The following MARCHF1 variants were observed in gnomAD, a reference collection of about 807,000 sequenced individuals.
MARCHF1 encodes the protein membrane associated ring-CH-type finger 1, also known as E3 ubiquitin-protein ligase MARCHF1.
A neutral mutation model predicts 54.2 loss-of-function variants in MARCHF1; 40 were observed. The ratio of observed to expected loss-of-function variants is 0.74; its 90% CI spans 0.57 to 0.96. The LOEUF (loss-of-function observed/expected upper bound fraction) is 0.96, where lower values mean the gene tolerates loss of function less well. MARCHF1 is among the 40% of genes least tolerant of loss of function. The probability of loss-of-function intolerance (pLI) is 0.00; values close to 1 mark genes in which losing one functional copy is unlikely to be tolerated. For synonymous variants in MARCHF1, 236 were observed against 236.3 expected, an observed-to-expected ratio of 1.00 and a Z score of 0.01; for missense variants, 586 against 656.5, an observed-to-expected ratio of 0.89 and a Z score of 1.17.
intron 2 of MARCHF1, among the ~76,000 whole-genome samples, chr4:164,019,782 G>A (rs1461813623): frequency 6.6e-6 from 1 of 152,176 alleles, no homozygotes; most frequent in Non-Finnish European, 1.5e-5. Context: ...CTTAATGGCA[G>A]TCTTAAAACA....
In MARCHF1 at chr4:163,612,613, A is replaced by G. The variant is rs1018585525; in HGVS notation, c.668T>C (p.Ile223Thr). Residue 223 changes from isoleucine to threonine, a missense_variant, in exon 7 of 10, where the codon ATT (isoleucine) becomes ACT (threonine). Around this residue, in one of 3 missense-constraint regions of MARCHF1, gnomAD observed 387 missense variants for 394.6 expected, o/e 0.98. Coordinates refer to ENST00000514618, the MANE Select transcript of MARCHF1 (RefSeq NM_001394959.1). Reference sequence around the variant, plus strand: ...ATTTAAAGAGCAACTCTCACATTCAATCAGCTCTTGTTGCTCTTTACCTTT... The same window carrying G: ...ATTTAAAGAGCAACTCTCACATTCAGTCAGCTCTTGTTGCTCTTTACCTTT... ...GSKGKEQQEL[I>T]ECESCSLNLH... 7 of 1,535,518 alleles carry G rather than the reference A, an allele frequency of 4.6e-6. No homozygotes were observed. Among genetic ancestry groups the G allele is most frequent in the African/African-American group, 4.1e-5 (3 of 73,076 alleles).
intron 2 of MARCHF1, among the ~76,000 whole-genome samples, chr4:164,001,153 T>A (rs561766942): frequency 1.3e-5 from 2 of 151,908 alleles, no homozygotes; most frequent in South Asian, 4.1e-4. Context: ...GGTTAATATA[T>A]AAATTACCCT....
chr4:163,621,003 C>G (rs1246019519), intron 5 of MARCHF1, among the ~76,000 whole-genome samples: 3 of 152,148 alleles, frequency 2.0e-5, no homozygotes, highest in Non-Finnish European at 4.4e-5. Context: ...GTGATAAACT[C>G]TTTGCTTATT....
chr4:163,975,228 A>ACT (rs1428178397), intron 3 of MARCHF1, among the ~76,000 whole-genome samples: 3 of 150,782 alleles, frequency 2.0e-5, no homozygotes, highest in African/African-American at 4.9e-5. Context: ...ACACACACAC[A>ACT]CTTCCTATTG....
At chr4:164,383,130 C>T (rs1731424885) in intron 1 of MARCHF1, 1 of 152,336 alleles carries the variant, frequency 6.6e-6, no homozygotes. Context: ...CGACTGGTCA[C>T]TCCACTTCCT....
At chr4:164,375,179 G>A (rs1044361610) in intron 1 of MARCHF1, among the ~76,000 whole-genome samples, 8 of 152,076 alleles carry the variant, frequency 5.3e-5, no homozygotes, top group Non-Finnish European at 1.0e-4. Flanking sequence ...AATTAAATGT[G>A]GCTATGTGCT....
intron 4 of MARCHF1, among the ~76,000 whole-genome samples, chr4:163,844,943 T>A (rs1749443455): frequency 6.6e-6 from 1 of 152,192 alleles, no homozygotes. Flanking sequence ...CTATCAACTA[T>A]TTACATGAAG....
chr4:164,140,072 C>T (rs1291597270), intron 1 of MARCHF1, among the ~76,000 whole-genome samples: 1 of 151,862 alleles, frequency 6.6e-6, no homozygotes, highest in Non-Finnish European at 1.5e-5. Flanking sequence ...AAACTTTTTA[C>T]CAGGTTTTTG....
At chr4:163,649,491 A>G (rs1466697028) in intron 5 of MARCHF1, among the ~76,000 whole-genome samples, 1 of 152,056 alleles carries the variant, frequency 6.6e-6, no homozygotes, top group Non-Finnish European at 1.5e-5. Flanking sequence ...GTGAAATTTT[A>G]AATAGATTTT....
chr4:163,663,155 C>T (rs1161490196), intron 5 of MARCHF1, among the ~76,000 whole-genome samples: 1 of 151,564 alleles, frequency 6.6e-6, no homozygotes, highest in Non-Finnish European at 1.5e-5. Flanking sequence ...TTTTATCTCT[C>T]TGTGTGGATA....
intron 1 of MARCHF1, among the ~76,000 whole-genome samples, chr4:164,306,993 TTTC>T (rs1734713012): frequency 6.6e-6 from 1 of 152,204 alleles, no homozygotes; most frequent in African/African-American, 2.4e-5. Context: ...CTGTAATGAT[TTTC>T]TTCTCATTTT....
intron 2 of MARCHF1, among the ~76,000 whole-genome samples, chr4:164,064,390 A>C (rs780762263): frequency 4.0e-5 from 6 of 151,864 alleles, no homozygotes; most frequent in Non-Finnish European, 7.4e-5. Context: ...GTATTCCTAG[A>C]TATTTCATTC....
At chr4:164,164,120 T>C (rs1730309168) in intron 1 of MARCHF1, among the ~76,000 whole-genome samples, 1 of 152,018 alleles carries the variant, frequency 6.6e-6, no homozygotes, top group African/African-American at 2.4e-5. Context: ...ACATCTATAT[T>C]AGGAAAAGGG....
rs1426333414 is a variant in MARCHF1 at position 163,737,169 on chromosome 4, T to C, written c.112-36306A>G. On this transcript the variant is annotated intron_variant, in intron 4 of 9. Coordinates refer to ENST00000514618, the MANE Select transcript of MARCHF1 (RefSeq NM_001394959.1). ...CGCTCGCAGCTTTTTTCTTTCTTTT[T>C]TTTTTTTTTTTTTCACATATTAGTT... Among the ~76,000 whole-genome samples, 23 of 72,688 alleles carry C rather than the reference T, an allele frequency of 3.2e-4. 2 individuals are homozygous for C. Among genetic ancestry groups the C allele is most frequent in the South Asian group, 8.7e-4 (2 of 2,312 alleles). The allele number at this position is 72,688 out of a possible 152,430, so 47.7% of individuals were successfully genotyped here.
chr4:164,232,214 C>A (rs1292745787), intron 1 of MARCHF1, among the ~76,000 whole-genome samples: 1 of 152,028 alleles, frequency 6.6e-6, no homozygotes, highest in African/African-American at 2.4e-5. Context: ...CACTTGAATG[C>A]CAAACAAAAG....
intron 5 of MARCHF1, among the ~76,000 whole-genome samples, chr4:163,656,814 A>G (rs1010719466): frequency 3.3e-5 from 5 of 152,100 alleles, no homozygotes; most frequent in Non-Finnish European, 7.4e-5. Flanking sequence ...ATACATGATT[A>G]TCTTAATAGA....
intron 4 of MARCHF1, among the ~76,000 whole-genome samples, chr4:163,821,811 AAG>A: frequency 6.6e-6 from 1 of 151,476 alleles, no homozygotes. Context: ...TTTTTTGTAA[AAG>A]AGAGCTCAGA....
Position 163,577,644 on chromosome 4 carries a change from A to G in MARCHF1, c.1191+8105T>C, listed in dbSNP as rs564833864. 5.3e-5 allele frequency among the ~76,000 whole-genome samples: 8 copies of G among 151,992 alleles called. 1 individual carries two copies. In the East Asian group the frequency reaches 1.5e-3, roughly 29 times the overall value. ...TCTACCCCTCTAGCAAGATTAGGGG[A>G]ATTTTCTTGAATTATTTCCTAAATT... On this transcript the variant is annotated intron_variant, in intron 8 of 9. Transcript: ENST00000514618.
At chr4:164,045,355 T>C (rs1754219640) in intron 2 of MARCHF1, among the ~76,000 whole-genome samples, 1 of 151,688 alleles carries the variant, frequency 6.6e-6, no homozygotes, top group Non-Finnish European at 1.5e-5. Context: ...CTACCAAAAA[T>C]ACAAAAATTA....
Sources: gnomAD v4.1 joint callset for allele counts (sites outside exome capture counted in the v4.1 genomes callset) on GRCh38, gnomAD v4.1.1 for gene constraint, gnomAD v4.1.1 regional missense constraint, MANE v1.5 for transcripts, NCBI Gene and HGNC (gene_info 2026-07-23, HGNC 2026-07-21) for gene names.